Variants in RTL4 observed in about 807,000 individuals in gnomAD.
RTL4 encodes the protein retrotransposon Gag like 4.
RTL4 carries 4 observed loss-of-function variants against 5.3 expected under a neutral mutation model. The observed-to-expected ratio is 0.75, with a 90% CI of 0.37 to 1.72. The LOEUF is 1.72. Among genes scored for constraint, RTL4 ranks in the 40% most tolerant of loss-of-function variants. The pLI is 0.04. For synonymous variants in RTL4, 98 were observed against 87.3 expected (o/e 1.12, Z -0.68); for missense variants, 260 against 227.1 (o/e 1.14, Z -0.93).
At chrX:112,092,305 G>T in the RTL4 span, among the ~76,000 whole-genome samples, 2 of 111,632 alleles carry the variant, frequency 1.8e-5, no homozygotes, top group Non-Finnish European at 3.8e-5. Flanking sequence ...TCATTTGCTT[G>T]CTTTTGGGTT....
chrX:112,430,637 G>T, the RTL4 span, among the ~76,000 whole-genome samples: 4 of 111,393 alleles, frequency 3.6e-5, no homozygotes, highest in Non-Finnish European at 7.5e-5. Flanking sequence ...ACCCAGGCTG[G>T]AGTGCAGTGG....
the RTL4 span, among the ~76,000 whole-genome samples, chrX:112,130,874 ACCT>A: frequency 9.6e-6 from 1 of 104,409 alleles, no homozygotes; most frequent in African/African-American, 3.6e-5. Context: ...GCTCACTGCA[ACCT>A]CCTCCTCCCG....
chrX:112,129,776 G>A, the RTL4 span, among the ~76,000 whole-genome samples: 6 of 111,842 alleles, frequency 5.4e-5, no homozygotes, highest in South Asian at 2.2e-3. Context: ...TACCAAAAAA[G>A]CTACTAAAAG....
chrX:112,116,263 G>A, the RTL4 span, among the ~76,000 whole-genome samples: 1,371 of 111,628 alleles, frequency 0.012, 7 homozygotes, highest in African/African-American at 0.028. Flanking sequence ...CTTTGTGGTC[G>A]CCAAGATGTG....
chrX:112,145,610 T>C, the RTL4 span, among the ~76,000 whole-genome samples: 1 of 112,050 alleles, frequency 8.9e-6, no homozygotes, highest in Non-Finnish European at 1.9e-5. Context: ...TTCTATTGGT[T>C]AGTGTGTGAG....
the RTL4 span, among the ~76,000 whole-genome samples, chrX:112,305,967 C>T: frequency 2.5e-3 from 284 of 111,533 alleles, 2 homozygotes; most frequent in African/African-American, 8.7e-3. Context: ...TGGAGTAGCC[C>T]GTCCCTTCCT....
chrX:112,327,408 G>A, the RTL4 span, among the ~76,000 whole-genome samples: 709 of 111,385 alleles, frequency 6.4e-3, 11 homozygotes, highest in African/African-American at 0.022. Context: ...GGGTATCAGC[G>A]ATGGAAGATG....
chrX:112,128,118 TA>T, the RTL4 span, among the ~76,000 whole-genome samples: 2 of 111,346 alleles, frequency 1.8e-5, no homozygotes, highest in Non-Finnish European at 3.8e-5. Context: ...AAATATCCCT[TA>T]AAAAGAAGAA....
chrX:112,329,307 TA>T, the RTL4 span, among the ~76,000 whole-genome samples: 1 of 110,339 alleles, frequency 9.1e-6, no homozygotes, highest in South Asian at 3.9e-4. Context: ...ATAGATGCAA[TA>T]AAAAATGATA....
At chrX:112,394,270 T>C in the RTL4 span, among the ~76,000 whole-genome samples, 1 of 111,652 alleles carries the variant, frequency 9.0e-6, no homozygotes, top group East Asian at 2.8e-4. Context: ...CAATAATGCA[T>C]GTACCTGAAT....
the RTL4 span, among the ~76,000 whole-genome samples, chrX:112,351,977 A>G: frequency 3.1e-4 from 35 of 111,480 alleles, no homozygotes; most frequent in Middle Eastern, 4.6e-3. Context: ...GGTCTTTACA[A>G]TTTGGCATGT....
At chrX:112,224,913 A>G in the RTL4 span, among the ~76,000 whole-genome samples, 2 of 111,851 alleles carry the variant, frequency 1.8e-5, no homozygotes, top group African/African-American at 6.5e-5. Context: ...TTTCTTTCTG[A>G]CTGGTCAATT....
the RTL4 span, among the ~76,000 whole-genome samples, chrX:112,172,463 T>A: frequency 9.0e-6 from 1 of 111,729 alleles, no homozygotes; most frequent in Non-Finnish European, 1.9e-5. Flanking sequence ...TACCATCTCA[T>A]GCCACTCAGA....
chrX:112,363,848 C>T, the RTL4 span, among the ~76,000 whole-genome samples: 12 of 111,376 alleles, frequency 1.1e-4, no homozygotes, highest in African/African-American at 3.9e-4. Flanking sequence ...GATGTGACCA[C>T]AGTGAGATAC....
the RTL4 span, among the ~76,000 whole-genome samples, chrX:112,163,648 A>G: frequency 2.7e-5 from 3 of 112,390 alleles, no homozygotes; most frequent in African/African-American, 9.7e-5. Context: ...GGAGTCAGAC[A>G]TCTTCAAATA....
At chrX:112,361,394 C>T in the RTL4 span, among the ~76,000 whole-genome samples, 1 of 111,440 alleles carries the variant, frequency 9.0e-6, no homozygotes, top group African/African-American at 3.3e-5. Context: ...GCCTCCTAAT[C>T]TTACCCACGG....
the RTL4 span, among the ~76,000 whole-genome samples, chrX:112,404,985 G>A: frequency 3.6e-5 from 4 of 111,960 alleles, no homozygotes; most frequent in East Asian, 8.5e-4. Context: ...TGCAGGTCAG[G>A]GTGGAGTATA....
the RTL4 span, among the ~76,000 whole-genome samples, chrX:112,125,864 G>A: frequency 1.8e-5 from 2 of 112,002 alleles, no homozygotes; most frequent in African/African-American, 6.5e-5. Context: ...GATAACACTG[G>A]AACAGAGAGC....
the RTL4 span, among the ~76,000 whole-genome samples, chrX:112,294,314 A>T: frequency 0.012 from 1,301 of 110,509 alleles, 23 homozygotes; most frequent in African/African-American, 0.041. Context: ...ATATCAACCA[A>T]GGCCAGGCGC....
Sources: gnomAD v4.1 joint callset for allele counts (sites outside exome capture counted in the v4.1 genomes callset) on GRCh38, gnomAD v4.1.1 for gene constraint, MANE v1.5 for transcripts, NCBI Gene and HGNC (gene_info 2026-07-23, HGNC 2026-07-21) for gene names.